Variants in CEP85L observed in about 807,000 individuals in gnomAD.
CEP85L encodes centrosomal protein 85L.
In CEP85L, 60 loss-of-function variants were observed where a neutral mutation model predicts 100.3. The ratio of observed to expected loss-of-function variants is 0.60; its 90% confidence interval spans 0.49 to 0.74. The LOEUF (loss-of-function observed/expected upper bound fraction) is 0.74. CEP85L is among the 30% of genes least tolerant of loss of function. The pLI is 0.00. For missense variants in CEP85L, 973 were observed against 936.2 expected (o/e 1.04, Z -0.51); for synonymous variants, 319 against 322.7 (o/e 0.99, Z 0.12).
chr6:118,702,248 C>T (rs1014229652), intron 1 of CEP85L, among the ~76,000 whole-genome samples: 7 of 152,054 alleles, frequency 4.6e-5, no homozygotes, highest in East Asian at 1.9e-4. Flanking sequence ...CAGTGGCTCA[C>T]GCCTATAATC....
intron 1 of CEP85L, chr6:118,646,790 A>G (rs1380775829): frequency 3.2e-6 from 1 of 315,728 alleles, no homozygotes; most frequent in Non-Finnish European, 4.6e-6. Flanking sequence ...TGTCTTCATC[A>G]TCTTTTCAGA....
At position 118,483,702 on chromosome 6, in the gene CEP85L, T is replaced by C. The variant is rs1410847988; in HGVS notation, c.1590+4A>G. 5.0e-6 allele frequency: 8 copies of C among 1,599,950 alleles called. No individual in the cohort carries two copies. The East Asian group carries it at 1.1e-4, about 22-fold the overall frequency. On this transcript the variant is annotated splice_donor_region_variant and intron_variant, in intron 7 of 12. Coordinates refer to ENST00000368491, the MANE Select transcript of CEP85L (RefSeq NM_001042475.3). ...TTAAAGATAAGCATTTTATTTCATG[T>C]TACCTGTAGACTCTGACTCTGTACA...
Position 118,465,249 on chromosome 6 carries a change from A to C in CEP85L, c.*156T>G, listed in dbSNP as rs1182833349. 3.4e-6 allele frequency: 2 copies of C among 586,890 alleles called. No homozygotes were observed. Among genetic ancestry groups the C allele is most frequent in the Admixed American group, 3.3e-5 (1 of 30,320 alleles). The allele number at this position is 586,890 out of a possible 1,614,324, so 36.4% of individuals were successfully genotyped here. A position where few individuals can be genotyped will look rare whatever the true frequency, so the allele number is the denominator to read the frequency against. On this transcript the variant is annotated 3_prime_UTR_variant, in exon 13 of 13. Coordinates refer to ENST00000368491, the MANE Select transcript of CEP85L (RefSeq NM_001042475.3). ...TTTGCCTGATTAGATAAGCCCCTTC[A>C]AAATCTCTTCACTTCCCTTCTCCCC...
intron 2 of CEP85L, among the ~76,000 whole-genome samples, chr6:118,575,238 G>C (rs1176148205): frequency 6.6e-6 from 1 of 152,094 alleles, no homozygotes; most frequent in Non-Finnish European, 1.5e-5. Flanking sequence ...TAGCTCTCTA[G>C]GTCTCATGTT....
intron 1 of CEP85L, among the ~76,000 whole-genome samples, chr6:118,678,844 A>C (rs1409812668): frequency 6.6e-6 from 1 of 152,210 alleles, no homozygotes; most frequent in Non-Finnish European, 1.5e-5. Flanking sequence ...AGCCAGGAGA[A>C]TCTCTTGAAC....
In CEP85L at chr6:118,463,712, G is replaced by A. The variant is rs774938047; in HGVS notation, c.*1693C>T. On this transcript the variant is annotated 3_prime_UTR_variant, in exon 13 of 13. Transcript: ENST00000368491. Reference sequence around the variant, plus strand: ...GTGCCCAGATTCTCAGAAGTAAGAAGAGCAGGAAGGACTCAGACACCAAAC... The same window carrying A: ...GTGCCCAGATTCTCAGAAGTAAGAAAAGCAGGAAGGACTCAGACACCAAAC... 1 of 152,014 alleles carries A rather than the reference G, an allele frequency of 6.6e-6. No homozygotes were observed. Among genetic ancestry groups the A allele is most frequent in the East Asian group, 1.9e-4 (1 of 5,188 alleles). 9.4% of individuals were successfully genotyped at this position (152,014 alleles called of 1,614,324 possible). A position where few individuals can be genotyped will look rare whatever the true frequency, so the allele number is the denominator to read the frequency against.
Position 118,470,566 on chromosome 6 carries a change from C to T in CEP85L, c.1993G>A (p.Val665Ile), listed in dbSNP as rs1447546896. The T allele has an allele frequency of 1.2e-6, 2 of 1,604,670 alleles. No individual in the cohort carries two copies. Among genetic ancestry groups the T allele is most frequent in the Non-Finnish European group, 8.5e-7 (1 of 1,175,158 alleles). Residue 665 changes from valine to isoleucine, a missense_variant, in exon 11 of 13, where the codon GTA (valine) becomes ATA (isoleucine). Physicochemically the swap from Val to Ile is conservative, Grantham distance 29 (BLOSUM62 3). Coordinates refer to ENST00000368491, the MANE Select transcript of CEP85L (RefSeq NM_001042475.3). ...AGCAATGCTTTTGTTAATCTCTGTA[C>T]ATTTCTTTCTTTCTTTTCCAGCTCT... is the stretch of plus-strand genomic sequence containing the variant. ...MEELEKKERNVQRLTKALLEN... is the reference protein window; with the variant it reads ...MEELEKKERNIQRLTKALLEN...
chr6:118,707,928 A>G (rs1777648411), intron 1 of CEP85L, among the ~76,000 whole-genome samples: 1 of 143,146 alleles, frequency 7.0e-6, no homozygotes, highest in Non-Finnish European at 1.5e-5. Flanking sequence ...AGACCAATAC[A>G]ACCTATTACT....
At chr6:118,525,886 T>G (rs1776934033) in intron 3 of CEP85L, among the ~76,000 whole-genome samples, 1 of 152,216 alleles carries the variant, frequency 6.6e-6, no homozygotes, top group African/African-American at 2.4e-5. Flanking sequence ...TGTAGTGATA[T>G]TTTTATCCTT....
At chr6:118,556,611 T>TAAC (rs968447876) in intron 3 of CEP85L, among the ~76,000 whole-genome samples, 1 of 152,176 alleles carries the variant, frequency 6.6e-6, no homozygotes, top group Non-Finnish European at 1.5e-5. Context: ...AGGAATGGGC[T>TAAC]AACAGGTTGA....
At chr6:118,527,049 C>T (rs1236798461) in intron 3 of CEP85L, among the ~76,000 whole-genome samples, 1 of 120,630 alleles carries the variant, frequency 8.3e-6, no homozygotes, top group African/African-American at 3.2e-5. Context: ...CAGTCTCACT[C>T]TTGTTGCCCA....
chr6:118,638,312 T>C (rs572483932), intron 1 of CEP85L, among the ~76,000 whole-genome samples: 1 of 152,232 alleles, frequency 6.6e-6, no homozygotes, highest in Admixed American at 6.5e-5. Flanking sequence ...AAAGAAGATC[T>C]GGTATTGTAT....
intron 2 of CEP85L, among the ~76,000 whole-genome samples, chr6:118,593,768 C>A (rs889102363): frequency 8.6e-5 from 13 of 151,646 alleles, no homozygotes; most frequent in African/African-American, 3.1e-4. Context: ...TTTTTATGAA[C>A]AAGTCACCAC....
upstream of CEP85L, chr6:118,651,722 G>A (rs531958386): frequency 7.1e-4 from 675 of 951,142 alleles, 3 homozygotes; most frequent in African/African-American, 0.011. Context: ...GCGGGGGGCG[G>A]GTGAGCTACC....
chr6:118,644,900 G>A (rs898662038), intron 1 of CEP85L, among the ~76,000 whole-genome samples: 2 of 152,142 alleles, frequency 1.3e-5, no homozygotes, highest in African/African-American at 4.8e-5. Context: ...AGCCAAGACT[G>A]ATTGTAAACA....
At chr6:118,641,095 C>A (rs550646964) in intron 1 of CEP85L, among the ~76,000 whole-genome samples, 1 of 152,292 alleles carries the variant, frequency 6.6e-6, no homozygotes, top group South Asian at 2.1e-4. Flanking sequence ...AATAATTCTT[C>A]TGCTCCTCAT....
At chr6:118,479,464 T>C (rs1773621200) in intron 10 of CEP85L, among the ~76,000 whole-genome samples, 1 of 152,150 alleles carries the variant, frequency 6.6e-6, no homozygotes, top group Admixed American at 6.6e-5. Context: ...GATGTCTTCG[T>C]TCAGATCCCT....
chr6:118,577,087 C>G (rs1056329840), intron 2 of CEP85L, among the ~76,000 whole-genome samples: 1 of 152,176 alleles, frequency 6.6e-6, no homozygotes, highest in Admixed American at 6.5e-5. Flanking sequence ...AAAAGCCCTG[C>G]AGGTCGGCCC....
At chr6:118,651,771 C>G (rs1583228543), upstream of CEP85L, 7 of 985,640 alleles carry the variant, frequency 7.1e-6, no homozygotes, top group Admixed American at 6.1e-5. Context: ...ACTGGGCTGT[C>G]CCGCCCTCCC....
Sources: allele counts gnomAD v4.1 joint callset (sites outside exome capture counted in the v4.1 genomes callset), GRCh38; gene constraint gnomAD v4.1.1; transcripts MANE v1.5; gene names NCBI Gene and HGNC (gene_info 2026-07-23, HGNC 2026-07-21).